The following ANKRD11 variants were observed in gnomAD, a reference collection of about 807,000 sequenced individuals.
ANKRD11 encodes the protein ankyrin repeat domain 11, also known as ankyrin repeat domain-containing protein 11.
ANKRD11 carries 17 observed loss-of-function variants against 195.7 expected under a neutral mutation model. The ratio of observed to expected loss-of-function variants is 0.09; its 90% CI spans 0.06 to 0.13. The LOEUF is 0.13. ANKRD11 is among the 10% of genes least tolerant of loss of function. The pLI is 1.00. For synonymous variants in ANKRD11, 1,953 were observed against 1,528.1 expected (o/e 1.28, Z -6.49); for missense variants, 3,735 against 3,566.1 (o/e 1.05, Z -1.21).
At chr16:89,328,156 T>C (rs1048331885) in intron 2 of ANKRD11, among the ~76,000 whole-genome samples, 77 of 147,364 alleles carry the variant, frequency 5.2e-4, no homozygotes, top group African/African-American at 1.8e-3. Flanking sequence ...CAATGAGATA[T>C]TACTGCACAC....
intron 1 of ANKRD11, among the ~76,000 whole-genome samples, chr16:89,482,527 T>TTAGGTTACCTGGA (rs1180812993): frequency 1.3e-5 from 2 of 152,138 alleles, no homozygotes; most frequent in African/African-American, 2.4e-5. Context: ...AACCTGTGAA[T>TTAGGTTACCTGGA]GCCTTAGGTT....
chr16:89,401,315 G>A (rs1299474976), intron 2 of ANKRD11, among the ~76,000 whole-genome samples: 1 of 152,030 alleles, frequency 6.6e-6, no homozygotes, highest in African/African-American at 2.4e-5. Context: ...CTGACCTCGT[G>A]ATCCACCCAC....
intron 2 of ANKRD11, among the ~76,000 whole-genome samples, chr16:89,363,239 T>G (rs1290874088): frequency 6.6e-6 from 1 of 152,134 alleles, no homozygotes; most frequent in African/African-American, 2.4e-5. Context: ...CATTTAAAAT[T>G]TTTTCCTATA....
At chr16:89,428,041 C>G (rs1027034803) in intron 1 of ANKRD11, among the ~76,000 whole-genome samples, 10 of 149,978 alleles carry the variant, frequency 6.7e-5, no homozygotes, top group African/African-American at 2.5e-4. Context: ...AACGCCATCT[C>G]TAATAAAAAT....
At position 89,282,984 on chromosome 16, in the gene ANKRD11, C is replaced by T; in HGVS notation, c.3558G>A (p.Lys1186=). Residue 1186 remains lysine (K), a synonymous_variant, in exon 9 of 13, where the codon AAG becomes AAA. Coordinates refer to ENST00000301030, the MANE Select transcript of ANKRD11 (RefSeq NM_013275.6). ...TCCCCGCGTCGGCAGCCCCTCGGTC[C>T]TTTCTCCTGTCTCTGGGCTCCTTGT... ...QKDKEPRDRR[K]DRGAADAGRD... 6.2e-7 allele frequency: 1 copy of T among 1,613,696 alleles called. No homozygotes were observed. The highest frequency in any genetic ancestry group is 8.5e-7 in the Non-Finnish European group (1 of 1,180,032).
intron 1 of ANKRD11, among the ~76,000 whole-genome samples, chr16:89,424,392 G>A (rs951768709): frequency 6.6e-6 from 1 of 150,952 alleles, no homozygotes; most frequent in Non-Finnish European, 1.5e-5. Context: ...AGCAAGCCAA[G>A]ATCACACCTC....
intron 2 of ANKRD11, among the ~76,000 whole-genome samples, chr16:89,319,043 T>C (rs1391090995): frequency 6.6e-6 from 1 of 152,210 alleles, no homozygotes; most frequent in Non-Finnish European, 1.5e-5. Flanking sequence ...AGAAACTCAG[T>C]GGTAATGTTT....
At chr16:89,307,034 C>T (rs1031530463) in intron 3 of ANKRD11, among the ~76,000 whole-genome samples, 3 of 147,570 alleles carry the variant, frequency 2.0e-5, no homozygotes, top group Non-Finnish European at 3.0e-5. Flanking sequence ...GTGACACACA[C>T]AGCGCTCGGG....
chr16:89,459,478 G>A (rs940037323), intron 1 of ANKRD11: 1 of 152,016 alleles, frequency 6.6e-6, no homozygotes, highest in African/African-American at 2.4e-5. Flanking sequence ...CTTTCTTTTT[G>A]AGCCACGACA....
chr16:89,286,570 G>A (rs1013910975), intron 7 of ANKRD11: 14 of 858,754 alleles, frequency 1.6e-5, no homozygotes, highest in South Asian at 3.5e-5. Flanking sequence ...GAGTGGTGCC[G>A]GAGTGGTCGT....
chr16:89,280,519 A>C lies in ANKRD11; in HGVS notation c.6023T>G (p.Phe2008Cys). The change falls in exon 9 of 13, where the codon TTC (phenylalanine) becomes TGC (cysteine). Residue 2008 changes from phenylalanine to cysteine, a missense_variant. Phe to Cys is a radical substitution (Grantham distance 205). Transcript: ENST00000301030. ...DPLHSAAPGP[F>C]SASEAPYPAP... Reference sequence around the variant, plus strand: ...GGGGTACGGCGCCTCCGAGGCGCTGAAGGGCCCTGGGGCGGCAGAGTGGAG... The same window carrying C: ...GGGGTACGGCGCCTCCGAGGCGCTGCAGGGCCCTGGGGCGGCAGAGTGGAG... 2 of 1,610,992 alleles carry C rather than the reference A, an allele frequency of 1.2e-6. No homozygotes were observed. The highest frequency in any genetic ancestry group is 2.2e-5 in the East Asian group (1 of 44,824).
intron 1 of ANKRD11, among the ~76,000 whole-genome samples, chr16:89,456,413 T>C (rs1218480772): frequency 6.6e-6 from 1 of 151,418 alleles, no homozygotes; most frequent in Non-Finnish European, 1.5e-5. Context: ...CCGAGCGTGG[T>C]GGCATGTGCC....
intron 3 of ANKRD11, among the ~76,000 whole-genome samples, chr16:89,310,860 T>C (rs2036571180): frequency 6.6e-6 from 1 of 152,242 alleles, no homozygotes. Context: ...TCAATGTCTG[T>C]GAATAAAGAC....
chr16:89,425,609 T>C (rs538646319), intron 1 of ANKRD11, among the ~76,000 whole-genome samples: 2 of 152,234 alleles, frequency 1.3e-5, no homozygotes, highest in South Asian at 4.1e-4. Context: ...GTCTCCTTCG[T>C]TTTTTCAGGT....
chr16:89,433,554 G>C (rs1235980534), intron 1 of ANKRD11, among the ~76,000 whole-genome samples: 1 of 152,246 alleles, frequency 6.6e-6, no homozygotes, highest in Non-Finnish European at 1.5e-5. Flanking sequence ...GAGCGCAACA[G>C]AGAAGAACAG....
chr16:89,415,541 G>A (rs1040915245), intron 2 of ANKRD11, among the ~76,000 whole-genome samples: 38 of 151,936 alleles, frequency 2.5e-4, no homozygotes, highest in Admixed American at 2.2e-3. Context: ...TGGGATTACA[G>A]GTGTGAGCCA....
rs921386184 is a variant in ANKRD11, at chr16:89,418,284, C to T, written c.-60G>A. 1.1e-5 allele frequency: 5 copies of T among 453,950 alleles called. No homozygotes were observed. The East Asian group carries it at 2.8e-4, about 25-fold the overall frequency. The allele number at this position is 453,950 out of a possible 1,614,324, so 28.1% of individuals were successfully genotyped here. ...GATAGAGAATGCAGTGAGTATTTAC[C>T]GATTCCATAGCTGAAAGTCAGTGCT... On this transcript the variant is annotated splice_region_variant and 5_prime_UTR_variant, in exon 2 of 13. Coordinates refer to ENST00000301030, the MANE Select transcript of ANKRD11 (RefSeq NM_013275.6).
At chr16:89,305,181 T>G (rs1180017723) in intron 4 of ANKRD11, 25 bp downstream of exon 4, 3 of 1,608,106 alleles carry the variant, frequency 1.9e-6, no homozygotes, top group Non-Finnish European at 1.7e-6. Context: ...GAGGGCTGAC[T>G]GCAGGAGGGG....
At chr16:89,303,817 T>G (rs1402395666) in intron 4 of ANKRD11, among the ~76,000 whole-genome samples, 2 of 152,032 alleles carry the variant, frequency 1.3e-5, no homozygotes, top group African/African-American at 4.8e-5. Context: ...GTGTGGATCC[T>G]CTTTACTGGC....
Sources: allele counts gnomAD v4.1 joint callset (sites outside exome capture counted in the v4.1 genomes callset), GRCh38; gene constraint gnomAD v4.1.1; transcripts MANE v1.5; gene names NCBI Gene and HGNC (gene_info 2026-07-23, HGNC 2026-07-21).